NFX1: variants seen among roughly 807,000 people sequenced by gnomAD.
NFX1 encodes the protein transcriptional repressor NF-X1.
In NFX1, 69 loss-of-function variants were observed where a neutral mutation model predicts 137.2. The observed-to-expected ratio is 0.50, with a 90% confidence interval of 0.41 to 0.61. The LOEUF is 0.61. Among genes scored for constraint, NFX1 ranks in the 20% least tolerant of loss-of-function variants. NFX1 has a pLI of 0.00. For missense variants in NFX1, 1,167 were observed against 1,391.0 expected, an observed-to-expected ratio of 0.84 and a Z score of 2.56; for synonymous variants, 495 against 474.1, an observed-to-expected ratio of 1.04 and a Z score of -0.57.
intron 6 of NFX1, among the ~76,000 whole-genome samples, chr9:33,313,248 T>C (rs1428596892): frequency 6.7e-6 from 1 of 149,354 alleles, no homozygotes; most frequent in African/African-American, 2.5e-5. Context: ...ACTCAGAAAA[T>C]AGGAAAGAAA....
At chr9:33,351,444 C>T (rs1297178669) in intron 15 of NFX1, 116 bp from the exon 16 acceptor site, 27 of 1,024,486 alleles carry the variant, frequency 2.6e-5, no homozygotes, top group East Asian at 7.7e-5. Context: ...ACCCTATATC[C>T]GAAAACAAAA....
At chr9:33,347,195 C>T (rs1280417692) in intron 15 of NFX1, 78 bp downstream of exon 15, 14 of 1,139,208 alleles carry the variant, frequency 1.2e-5, no homozygotes, top group South Asian at 9.8e-5. Context: ...TTAGTCTCAT[C>T]GTCTGTCAAA....
At chr9:33,344,569 A>G (rs967412158) in intron 14 of NFX1, among the ~76,000 whole-genome samples, 1 of 152,236 alleles carries the variant, frequency 6.6e-6, no homozygotes, top group Non-Finnish European at 1.5e-5. Flanking sequence ...ATTAAAATTA[A>G]GAAAATAGAG....
intron 12 of NFX1, among the ~76,000 whole-genome samples, chr9:33,342,524 C>T (rs1323301872): frequency 6.6e-6 from 1 of 152,152 alleles, no homozygotes; most frequent in Admixed American, 6.6e-5. Context: ...TATAGAGAGT[C>T]CCATATACAC....
intron 9 of NFX1, among the ~76,000 whole-genome samples, chr9:33,322,012 C>T (rs1822402875): frequency 6.6e-6 from 1 of 151,682 alleles, no homozygotes; most frequent in Admixed American, 6.6e-5. Flanking sequence ...ACTAGCCTGG[C>T]CAACATGATG....
chr9:33,320,117 A>G (rs577194232), intron 9 of NFX1, among the ~76,000 whole-genome samples: 1 of 151,622 alleles, frequency 6.6e-6, no homozygotes, highest in African/African-American at 2.4e-5. Flanking sequence ...ACCTGCAATC[A>G]TGCCCAGCTA....
chr9:33,298,026 T>C (rs1821420340), intron 2 of NFX1, among the ~76,000 whole-genome samples: 1 of 152,202 alleles, frequency 6.6e-6, no homozygotes, highest in Non-Finnish European at 1.5e-5. Flanking sequence ...TCATATTTGT[T>C]GCATAAATAC....
chr9:33,369,524 A>G (rs999719366), intron 23 of NFX1, among the ~76,000 whole-genome samples: 4 of 152,238 alleles, frequency 2.6e-5, no homozygotes, highest in Non-Finnish European at 5.9e-5. Context: ...CCCACTATCA[A>G]AACTTCACAA....
Position 33,366,638 on chromosome 9 carries a change from A to C in NFX1, c.3049A>C (p.Ser1017Arg). 6.2e-7 allele frequency: 1 copy of C among 1,614,094 alleles called. No homozygotes were observed. The highest frequency in any genetic ancestry group is 1.3e-5 in the African/African-American group (1 of 75,068). ...TTTTCCCTCAATACAGGGAAAGAAT[A>C]GTAAGAAAAGCCACAGCTTCCCTCC... Reference protein sequence around the residue: ...LVEAVNKGKNSKKSHSFPPMN... With the variant: ...LVEAVNKGKNRKKSHSFPPMN... Residue 1017 changes from serine (S) to arginine (R), a missense_variant, in exon 22 of 24, where the codon AGT becomes CGT. Ser to Arg is a moderately radical substitution (Grantham distance 110). Transcript: ENST00000379540.
At chr9:33,290,627 C>T in intron 1 of NFX1, 30 bp downstream of exon 1, 2 of 1,599,244 alleles carry the variant, frequency 1.3e-6, no homozygotes, top group Non-Finnish European at 1.7e-6. Flanking sequence ...GGGACTGGGC[C>T]CCTTTCAGGG....
chr9:33,302,250 T>C (rs1449279181), intron 3 of NFX1, among the ~76,000 whole-genome samples: 1 of 152,178 alleles, frequency 6.6e-6, no homozygotes, highest in Non-Finnish European at 1.5e-5. Flanking sequence ...TTTCTTTGTG[T>C]TAGGAGCATC....
intron 9 of NFX1, among the ~76,000 whole-genome samples, chr9:33,328,210 A>G (rs1365538325): frequency 6.7e-6 from 1 of 149,722 alleles, no homozygotes; most frequent in African/African-American, 2.5e-5. Context: ...TTTTTTTGGT[A>G]GACACAGGGT....
chr9:33,292,217 G>C (rs1821187951), intron 1 of NFX1, among the ~76,000 whole-genome samples: 1 of 152,198 alleles, frequency 6.6e-6, no homozygotes, highest in South Asian at 2.1e-4. Context: ...AAATCTTCTA[G>C]TCCAAAGACC....
At chr9:33,317,122 A>G (rs944154347) in intron 7 of NFX1, among the ~76,000 whole-genome samples, 2 of 152,086 alleles carry the variant, frequency 1.3e-5, no homozygotes, top group African/African-American at 4.8e-5. Flanking sequence ...AGAACGGGGG[A>G]AAAAATTGCA....
chr9:33,349,948 A>G (rs915959473), intron 15 of NFX1, among the ~76,000 whole-genome samples: 3 of 152,080 alleles, frequency 2.0e-5, no homozygotes, highest in Non-Finnish European at 4.4e-5. Flanking sequence ...TCAAGGCTGC[A>G]GTGAGACACG....
intron 14 of NFX1, among the ~76,000 whole-genome samples, chr9:33,346,715 A>G (rs1010520271): frequency 1.3e-5 from 2 of 152,218 alleles, no homozygotes; most frequent in African/African-American, 4.8e-5. Flanking sequence ...GTTGCGGTTA[A>G]AGTAGGGCCA....
chr9:33,362,766 C>G (rs1824041491), intron 19 of NFX1, among the ~76,000 whole-genome samples: 1 of 136,210 alleles, frequency 7.3e-6, no homozygotes, highest in Admixed American at 8.2e-5. Flanking sequence ...TGCAATGGCG[C>G]TATCTCAGCT....
chr9:33,291,843 C>T (rs1052792379), intron 1 of NFX1, among the ~76,000 whole-genome samples: 7 of 152,148 alleles, frequency 4.6e-5, no homozygotes, highest in Non-Finnish European at 1.0e-4. Context: ...GCGGAAGTTG[C>T]AGTGAGCCAA....
At chr9:33,296,848 A>T (rs1175712505) in intron 2 of NFX1, among the ~76,000 whole-genome samples, 1 of 152,216 alleles carries the variant, frequency 6.6e-6, no homozygotes, top group African/African-American at 2.4e-5. Context: ...CTTCTATTAC[A>T]GAACTTACAC....
Sources: gnomAD v4.1 joint callset for allele counts (sites outside exome capture counted in the v4.1 genomes callset) on GRCh38, gnomAD v4.1.1 for gene constraint, MANE v1.5 for transcripts, NCBI Gene and HGNC (gene_info 2026-07-23, HGNC 2026-07-21) for gene names.